The following FOCAD variants were observed in gnomAD, a reference collection of about 807,000 sequenced individuals.
FOCAD encodes focadhesin, also known as KIAA1797.
Under a neutral mutation model 225.6 loss-of-function variants are expected in FOCAD, and 198 were observed. The ratio of observed to expected loss-of-function variants is 0.88; its 90% CI spans 0.78 to 0.99. The LOEUF is 0.99. FOCAD is among the 50% of genes least tolerant of loss of function. FOCAD has a pLI of 0.00. For missense variants in FOCAD, 2,713 were observed against 2,123.6 expected, an observed-to-expected ratio of 1.28 and a Z score of -5.46; for synonymous variants, 897 against 755.0, an observed-to-expected ratio of 1.19 and a Z score of -3.08.
At chr9:20,871,867 C>G (rs1282557816) in intron 18 of FOCAD, among the ~76,000 whole-genome samples, 1 of 148,122 alleles carries the variant, frequency 6.8e-6, no homozygotes, top group Non-Finnish European at 1.5e-5. Flanking sequence ...ATGTAACTAA[C>G]CTGCACATTG....
At chr9:20,920,146 G>A (rs1267727993) in intron 24 of FOCAD, among the ~76,000 whole-genome samples, 1 of 152,108 alleles carries the variant, frequency 6.6e-6, no homozygotes, top group Non-Finnish European at 1.5e-5. Context: ...TCAACAAGTG[G>A]GCGAAGGAGA....
At chr9:20,882,745 A>G (rs1351017532) in intron 20 of FOCAD, among the ~76,000 whole-genome samples, 1 of 152,182 alleles carries the variant, frequency 6.6e-6, no homozygotes, top group Admixed American at 6.5e-5. Context: ...ACAACTCAGA[A>G]CTTGAGTGAC....
At chr9:20,881,761 G>A in intron 19 of FOCAD, 110 bp from the exon 20 acceptor site, 1 of 1,076,836 alleles carries the variant, frequency 9.3e-7, no homozygotes, top group Non-Finnish European at 1.4e-6. Flanking sequence ...TACCATGTAA[G>A]GTTTGGCCAG....
intron 19 of FOCAD, among the ~76,000 whole-genome samples, chr9:20,880,691 A>G (rs943863255): frequency 4.6e-5 from 7 of 152,180 alleles, no homozygotes; most frequent in African/African-American, 1.7e-4. Flanking sequence ...TAGACGGTCC[A>G]GTGAGCTCTT....
At chr9:20,723,361 G>T (rs1825940428) in intron 4 of FOCAD, among the ~76,000 whole-genome samples, 1 of 152,168 alleles carries the variant, frequency 6.6e-6, no homozygotes, top group Non-Finnish European at 1.5e-5. Context: ...GGTGACTTAT[G>T]CCTGTAATCC....
intron 43 of FOCAD, among the ~76,000 whole-genome samples, chr9:20,995,073 G>A (rs1434892184): frequency 6.6e-6 from 1 of 152,130 alleles, no homozygotes; most frequent in East Asian, 1.9e-4. Flanking sequence ...TTTGGGGACA[G>A]ATGTTCAGAT....
intron 35 of FOCAD, among the ~76,000 whole-genome samples, chr9:20,963,375 G>A (rs10964769): frequency 0.32 from 49,045 of 152,002 alleles, 8,173 homozygotes; most frequent in East Asian, 0.46. Flanking sequence ...AGAATAAAAC[G>A]TCTGGAAAAT....
intron 21 of FOCAD, among the ~76,000 whole-genome samples, chr9:20,886,664 T>A (rs952583585): frequency 6.6e-6 from 1 of 152,118 alleles, no homozygotes; most frequent in African/African-American, 2.4e-5. Flanking sequence ...GAAAATAACA[T>A]CATTGTTTTA....
intron 15 of FOCAD, among the ~76,000 whole-genome samples, chr9:20,823,758 A>T (rs1020703206): frequency 1.3e-5 from 2 of 152,140 alleles, no homozygotes; most frequent in South Asian, 4.1e-4. Context: ...TTAGTGAATG[A>T]GACTAAGTAG....
At chr9:20,820,104 T>G (rs1402439588) in intron 12 of FOCAD, among the ~76,000 whole-genome samples, 4 of 152,076 alleles carry the variant, frequency 2.6e-5, no homozygotes. Flanking sequence ...GTATCTAAGT[T>G]TTCACTTTGG....
intron 24 of FOCAD, among the ~76,000 whole-genome samples, chr9:20,922,095 T>C (rs1004003741): frequency 1.3e-5 from 2 of 152,248 alleles, no homozygotes; most frequent in Non-Finnish European, 2.9e-5. Flanking sequence ...TTTAATTTTG[T>C]TTTTGTTAAA....
chr9:20,780,134 T>G (rs1234509618), intron 9 of FOCAD, among the ~76,000 whole-genome samples: 2 of 152,218 alleles, frequency 1.3e-5, no homozygotes, highest in Non-Finnish European at 2.9e-5. Flanking sequence ...TTCTAGTAAA[T>G]TTATAGATTT....
intron 35 of FOCAD, among the ~76,000 whole-genome samples, chr9:20,968,431 C>CTTTTTTTTTTTTTTTTTTTTT (rs35624897): frequency 2.3e-5 from 1 of 43,620 alleles, no homozygotes; most frequent in Non-Finnish European, 4.0e-5. Flanking sequence ...TTTTCTTATT[C>CTTTTTTTTTTTTTTTTTTTTT]TTTTTTTTTT....
In FOCAD at chr9:20,758,117, G is replaced by A. The variant is rs765690690; in HGVS notation, c.420G>A (p.Val140=). The A allele has an allele frequency of 6.2e-7, 1 of 1,611,492 alleles. No homozygotes were observed. The highest frequency in any genetic ancestry group is 1.1e-5 in the South Asian group (1 of 90,564). ...IRNHPHPLIT[V]LEHRPDCWPV... is the part of the protein sequence containing the mutation. ...ATCATCCTCATCCTTTGATAACTGTGCTTGAACACAGACCTGATTGCTGGC... is the reference window on the plus strand; with the variant it reads ...ATCATCCTCATCCTTTGATAACTGTACTTGAACACAGACCTGATTGCTGGC... Residue 140 remains valine (V), a synonymous_variant, in exon 6 of 44, where the codon GTG becomes GTA. Transcript: ENST00000338382.
intron 29 of FOCAD, 85 bp from the exon 30 acceptor site, chr9:20,946,616 G>A: frequency 6.8e-7 from 1 of 1,461,412 alleles, no homozygotes; most frequent in Non-Finnish European, 9.2e-7. Context: ...CTGGGGGGGA[G>A]TTTGACAGAA....
chr9:20,779,284 C>G (rs1456242935), intron 9 of FOCAD, among the ~76,000 whole-genome samples: 1 of 152,228 alleles, frequency 6.6e-6, no homozygotes, highest in Non-Finnish European at 1.5e-5. Context: ...GGTAAAGAAG[C>G]TAGTTGCCCT....
At chr9:20,669,088 C>A (rs1821981751) in intron 2 of FOCAD, among the ~76,000 whole-genome samples, 1 of 152,066 alleles carries the variant, frequency 6.6e-6, no homozygotes, top group Non-Finnish European at 1.5e-5. Flanking sequence ...TATTTAATTC[C>A]CTGGTTTCTT....
intron 19 of FOCAD, among the ~76,000 whole-genome samples, chr9:20,877,487 A>T (rs1830323315): frequency 6.6e-6 from 1 of 152,204 alleles, no homozygotes; most frequent in African/African-American, 2.4e-5. Context: ...TAATGTACAT[A>T]TTTTTGCAAT....
chr9:20,725,848 T>C (rs572217832), intron 4 of FOCAD, among the ~76,000 whole-genome samples: 38 of 152,332 alleles, frequency 2.5e-4, no homozygotes, highest in Middle Eastern at 6.8e-3. Context: ...AATAGTTTCA[T>C]GTCCTAGAGT....
Sources: gnomAD v4.1 joint callset for allele counts (sites outside exome capture counted in the v4.1 genomes callset) on GRCh38, gnomAD v4.1.1 for gene constraint, MANE v1.5 for transcripts, NCBI Gene and HGNC (gene_info 2026-07-23, HGNC 2026-07-21) for gene names.